The following PPP1R12B variants were observed in gnomAD, a reference collection of about 807,000 sequenced individuals.
PPP1R12B encodes the protein myosin phosphatase target subunit 2.
PPP1R12B carries 76 observed loss-of-function variants against 126.1 expected under a neutral mutation model. The ratio of observed to expected loss-of-function variants is 0.60; its 90% CI spans 0.50 to 0.73. The LOEUF (loss-of-function observed/expected upper bound fraction) is 0.73, where lower values mean the gene tolerates loss of function less well. Ranked by LOEUF, PPP1R12B falls within the 30% of genes least tolerant of loss-of-function variation. PPP1R12B has a pLI of 0.00. For synonymous variants in PPP1R12B, 356 were observed against 434.7 expected (o/e 0.82, Z 2.25); for missense variants, 1,052 against 1,205.1 (o/e 0.87, Z 1.88).
At chr1:202,457,073 G>T (rs1309101102) in intron 13 of PPP1R12B, among the ~76,000 whole-genome samples, 1 of 152,124 alleles carries the variant, frequency 6.6e-6, no homozygotes, top group Non-Finnish European at 1.5e-5. Context: ...ATAGACACAC[G>T]TATAGGAACA....
In PPP1R12B at chr1:202,585,833, A is replaced by C. The variant is rs946794660; in HGVS notation, c.*5273A>C. 6.6e-6 allele frequency: 1 copy of C among 152,204 alleles called. No individual in the cohort carries two copies. Among genetic ancestry groups the C allele is most frequent in the Non-Finnish European group, 1.5e-5 (1 of 68,026 alleles). The allele number at this position is 152,204 out of a possible 1,614,324, so 9.4% of individuals were successfully genotyped here. ...CTCATGGAGAAATGGATAGAAAGCA[A>C]TTTGTTGCAGGCAGCCTTTGGACAA... On this transcript the variant is annotated 3_prime_UTR_variant, in exon 24 of 24. Transcript: ENST00000608999.
chr1:202,404,865 C>T (rs1177054971), intron 1 of PPP1R12B, among the ~76,000 whole-genome samples: 1 of 152,190 alleles, frequency 6.6e-6, no homozygotes, highest in Non-Finnish European at 1.5e-5. Context: ...ACTTCTTACT[C>T]TGCACTATAA....
intron 13 of PPP1R12B, among the ~76,000 whole-genome samples, chr1:202,463,275 T>C (rs1357741567): frequency 6.6e-6 from 1 of 152,140 alleles, no homozygotes; most frequent in Non-Finnish European, 1.5e-5. Flanking sequence ...ACTAATGAAT[T>C]TAAACATGTG....
At chr1:202,528,716 A>T (rs1191745237) in intron 18 of PPP1R12B, among the ~76,000 whole-genome samples, 3 of 151,828 alleles carry the variant, frequency 2.0e-5, no homozygotes, top group Non-Finnish European at 4.4e-5. Context: ...TTATGTAGGG[A>T]CTGAAAGGTT....
At chr1:202,351,391 A>G (rs1558114638) in intron 1 of PPP1R12B, among the ~76,000 whole-genome samples, 1 of 152,110 alleles carries the variant, frequency 6.6e-6, no homozygotes, top group Non-Finnish European at 1.5e-5. Context: ...GGTGCCCACC[A>G]CCATGCCCAG....
Position 202,552,044 on chromosome 1 carries a change from T to C in PPP1R12B, c.2491-6833T>C, listed in dbSNP as rs191297884. On this transcript the variant is annotated intron_variant, in intron 18 of 23. Coordinates refer to ENST00000608999, the MANE Select transcript of PPP1R12B (RefSeq NM_002481.4). Reference sequence around the variant, plus strand: ...AACCCAGCAGAACTGTGCAGACTTCTGACCTACAAAACTGTGAGATAATAA... The same window carrying C: ...AACCCAGCAGAACTGTGCAGACTTCCGACCTACAAAACTGTGAGATAATAA... 2.4e-3 allele frequency among the ~76,000 whole-genome samples: 362 copies of C among 152,348 alleles called. 3 individuals are homozygous for C. The highest frequency in any genetic ancestry group is 8.4e-3 in the African/African-American group (351 of 41,582).
At chr1:202,406,391 A>G (rs556815681) in intron 1 of PPP1R12B, among the ~76,000 whole-genome samples, 1 of 152,370 alleles carries the variant, frequency 6.6e-6, no homozygotes, top group South Asian at 2.1e-4. Context: ...AAATTGACCA[A>G]TTGGCCACAT....
intron 18 of PPP1R12B, among the ~76,000 whole-genome samples, chr1:202,542,095 T>C (rs114063829): frequency 0.014 from 2,183 of 152,326 alleles, 65 homozygotes; most frequent in African/African-American, 0.05. Context: ...GAGAAAGATA[T>C]GCAAGACTCA....
rs1392415225 is a variant in PPP1R12B, at chr1:202,403,242, A to C, written c.292-13545A>C. On this transcript the variant is annotated intron_variant, in intron 1 of 23. Transcript: ENST00000608999. ...TCCAACCAGTTGTTACTTTGTGGGA[A>C]TCTGGCCCCAGTGTTGTAATCTAAT... Among the ~76,000 whole-genome samples the C allele has an allele frequency of 1.3e-5, 2 of 152,230 alleles. 1 individual carries two copies. The highest frequency in any genetic ancestry group is 2.9e-5 in the Non-Finnish European group (2 of 68,040).
intron 14 of PPP1R12B, among the ~76,000 whole-genome samples, chr1:202,489,669 A>T (rs4950851): frequency 0.41 from 62,371 of 152,048 alleles, 14,754 homozygotes; most frequent in East Asian, 0.7. Context: ...ATCCAAAGAG[A>T]CAGAAATTAG....
intron 18 of PPP1R12B, chr1:202,527,452 A>AG: frequency 1.3e-5 from 2 of 152,356 alleles, no homozygotes; most frequent in East Asian, 3.9e-4. Flanking sequence ...GCTGATCTAG[A>AG]GAAAAACTAT....
chr1:202,455,588 AT>A (rs1304631440), intron 13 of PPP1R12B, among the ~76,000 whole-genome samples: 2 of 152,212 alleles, frequency 1.3e-5, no homozygotes, highest in African/African-American at 4.8e-5. Flanking sequence ...CATATAGATA[AT>A]GCCACATTTT....
chr1:202,444,048 T>G (rs776752426), intron 12 of PPP1R12B, among the ~76,000 whole-genome samples: 1 of 152,228 alleles, frequency 6.6e-6, no homozygotes, highest in Non-Finnish European at 1.5e-5. Context: ...TTTTTTGATT[T>G]TATAAAAACC....
chr1:202,352,503 T>A (rs1397013049), intron 1 of PPP1R12B, among the ~76,000 whole-genome samples: 1 of 152,146 alleles, frequency 6.6e-6, no homozygotes, highest in African/African-American at 2.4e-5. Flanking sequence ...TGGATTTCAG[T>A]CACCATAGGT....
At chr1:202,374,493 CTTTTT>C (rs1160730172) in intron 1 of PPP1R12B, among the ~76,000 whole-genome samples, 4 of 89,502 alleles carry the variant, frequency 4.5e-5, no homozygotes, top group African/African-American at 8.7e-5. Flanking sequence ...TTGTCTCTCT[CTTTTT>C]TTTTTTTTTT....
At chr1:202,478,150 G>A (rs1271814645) in intron 13 of PPP1R12B, among the ~76,000 whole-genome samples, 1 of 152,102 alleles carries the variant, frequency 6.6e-6, no homozygotes, top group Non-Finnish European at 1.5e-5. Context: ...TCTACATAGG[G>A]GTCAGCAATA....
At chr1:202,480,166 C>T (rs1345830776) in intron 13 of PPP1R12B, among the ~76,000 whole-genome samples, 2 of 152,044 alleles carry the variant, frequency 1.3e-5, no homozygotes, top group African/African-American at 2.4e-5. Context: ...AGATTTTCAC[C>T]AGAGAACTGC....
chr1:202,533,564 T>C (rs1684226799), intron 18 of PPP1R12B, among the ~76,000 whole-genome samples: 1 of 151,952 alleles, frequency 6.6e-6, no homozygotes, highest in Admixed American at 6.6e-5. Flanking sequence ...AGAGATTTGC[T>C]CTCCTTAGCC....
intron 13 of PPP1R12B, among the ~76,000 whole-genome samples, chr1:202,481,245 G>A (rs1438687399): frequency 6.6e-6 from 1 of 152,152 alleles, no homozygotes; most frequent in Non-Finnish European, 1.5e-5. Context: ...CGGGGGTTGG[G>A]GACCCCTGTT....
Sources: allele counts gnomAD v4.1 joint callset (sites outside exome capture counted in the v4.1 genomes callset), GRCh38; gene constraint gnomAD v4.1.1; transcripts MANE v1.5; gene names NCBI Gene and HGNC (gene_info 2026-07-23, HGNC 2026-07-21).